C8orf34: variants seen among roughly 807,000 people sequenced by gnomAD.
C8orf34 encodes the protein uncharacterized protein C8orf34.
In C8orf34, 65 loss-of-function variants were observed where a neutral mutation model predicts 68.3. That is an observed-to-expected ratio of 0.95 (90% confidence interval 0.78 to 1.17). C8orf34 has a LOEUF of 1.17. Ranked by LOEUF, C8orf34 falls within the 50% of genes most tolerant of loss-of-function variation. The pLI is 0.00. For synonymous variants in C8orf34, 244 were observed against 241.2 expected, an observed-to-expected ratio of 1.01 and a Z score of -0.11; for missense variants, 664 against 655.4, an observed-to-expected ratio of 1.01 and a Z score of -0.14.
At chr8:68,395,291 T>G (rs556598209) in intron 1 of C8orf34, among the ~76,000 whole-genome samples, 7 of 151,844 alleles carry the variant, frequency 4.6e-5, no homozygotes, top group African/African-American at 1.4e-4. Flanking sequence ...CAAAATATAT[T>G]ATGTTTGTTT....
intron 7 of C8orf34, among the ~76,000 whole-genome samples, chr8:68,575,477 T>C (rs1816875600): frequency 6.6e-6 from 1 of 152,146 alleles, no homozygotes; most frequent in African/African-American, 2.4e-5. Context: ...TTCAAACCCG[T>C]ATGTGCTACA....
chr8:68,459,849 C>T (rs1811718871), intron 3 of C8orf34, among the ~76,000 whole-genome samples: 1 of 152,098 alleles, frequency 6.6e-6, no homozygotes, highest in Admixed American at 6.5e-5. Flanking sequence ...TCTACAGCTC[C>T]CAGTGTGAGT....
intron 7 of C8orf34, chr8:68,535,313 T>C (rs6984964): frequency 2.0e-6 from 2 of 980,276 alleles, no homozygotes; most frequent in South Asian, 9.4e-5. Context: ...TTTGTAGATG[T>C]GTGTGCTATA....
At chr8:68,622,259 C>A (rs1818408507) in intron 7 of C8orf34, among the ~76,000 whole-genome samples, 1 of 152,154 alleles carries the variant, frequency 6.6e-6, no homozygotes, top group African/African-American at 2.4e-5. Context: ...AACTGAATCA[C>A]AGAAGTGAAG....
In C8orf34 at chr8:68,443,935, A is replaced by T. The variant is rs188504684; in HGVS notation, c.476-2394A>T. 6.7e-5 allele frequency among the ~76,000 whole-genome samples: 10 copies of T among 149,506 alleles called. No individual in the cohort carries two copies. In the East Asian group the frequency reaches 1.7e-3, roughly 26 times the overall value. Reference sequence around the variant, plus strand: ...AATAAAAGACAAATTATTTTTCTTGAATACTTATGAATTTTTTTTTACTTC... The same window carrying T: ...AATAAAAGACAAATTATTTTTCTTGTATACTTATGAATTTTTTTTTACTTC... On this transcript the variant is annotated intron_variant, in intron 2 of 13. Coordinates refer to ENST00000518698, the MANE Select transcript of C8orf34 (RefSeq NM_052958.4).
At chr8:68,811,122 C>A (rs1824638144) in intron 12 of C8orf34, among the ~76,000 whole-genome samples, 1 of 152,200 alleles carries the variant, frequency 6.6e-6, no homozygotes, top group Admixed American at 6.5e-5. Context: ...TCTGAGCTGC[C>A]CTCAGCACCC....
chr8:68,489,449 A>G (rs906184009), intron 5 of C8orf34, among the ~76,000 whole-genome samples: 1 of 152,218 alleles, frequency 6.6e-6, no homozygotes, highest in African/African-American at 2.4e-5. Flanking sequence ...GAACACTCAT[A>G]TATACACAAA....
At chr8:68,355,136 T>A (rs1806692676) in intron 1 of C8orf34, among the ~76,000 whole-genome samples, 1 of 152,180 alleles carries the variant, frequency 6.6e-6, no homozygotes, top group Non-Finnish European at 1.5e-5. Context: ...CAATTAGCTT[T>A]CAGCCGTCTT....
chr8:68,604,437 A>G (rs1817792658), intron 7 of C8orf34, among the ~76,000 whole-genome samples: 1 of 135,880 alleles, frequency 7.4e-6, no homozygotes, highest in Non-Finnish European at 1.5e-5. Context: ...TTCTGTAAGA[A>G]AACAAGTAAA....
intron 8 of C8orf34, among the ~76,000 whole-genome samples, chr8:68,673,498 C>A (rs935600334): frequency 6.6e-6 from 1 of 152,108 alleles, no homozygotes; most frequent in Non-Finnish European, 1.5e-5. Context: ...AGTAGCCAGG[C>A]AGTATTTGCT....
intron 1 of C8orf34, among the ~76,000 whole-genome samples, chr8:68,367,838 A>G (rs1427960143): frequency 7.5e-6 from 1 of 133,732 alleles, no homozygotes; most frequent in African/African-American, 2.7e-5. Context: ...AGCATGGCAC[A>G]TGTATACATA....
chr8:68,586,172 G>A (rs1029750180), intron 7 of C8orf34, among the ~76,000 whole-genome samples: 3 of 152,110 alleles, frequency 2.0e-5, no homozygotes, highest in Non-Finnish European at 4.4e-5. Flanking sequence ...CTACATTAGA[G>A]GGGGAGAAAA....
chr8:68,478,673 C>G (rs1304050365), intron 4 of C8orf34, among the ~76,000 whole-genome samples: 1 of 152,122 alleles, frequency 6.6e-6, no homozygotes, highest in African/African-American at 2.4e-5. Flanking sequence ...AGGAAACTTA[C>G]AATTATGGCA....
chr8:68,618,652 A>G (rs542166180), intron 7 of C8orf34, among the ~76,000 whole-genome samples: 1 of 152,226 alleles, frequency 6.6e-6, no homozygotes, highest in South Asian at 2.1e-4. Flanking sequence ...ATAAGCATGC[A>G]CCACTCTACC....
intron 7 of C8orf34, chr8:68,534,999 A>G: frequency 3.0e-6 from 3 of 985,392 alleles, no homozygotes; most frequent in Non-Finnish European, 3.6e-6. Context: ...TCTTCATGTA[A>G]TTCCACATAT....
At position 68,677,659 on chromosome 8, in the gene C8orf34, A is replaced by G. The variant is rs186280591; in HGVS notation, c.1242-31335A>G. 2.0e-3 allele frequency among the ~76,000 whole-genome samples: 311 copies of G among 152,210 alleles called. 2 individuals carry two copies. The highest frequency in any genetic ancestry group is 3.2e-3 in the Non-Finnish European group (217 of 67,998). ...GCATGAGCCACCATGCCTGGCCCTA[A>G]CAATGCATCTTAAAGAACTAGAAAG... On this transcript the variant is annotated intron_variant, in intron 8 of 13. Coordinates refer to ENST00000518698, the MANE Select transcript of C8orf34 (RefSeq NM_052958.4).
intron 7 of C8orf34, among the ~76,000 whole-genome samples, chr8:68,548,535 G>A (rs1355951871): frequency 1.3e-5 from 2 of 151,734 alleles, no homozygotes; most frequent in African/African-American, 2.4e-5. Context: ...AACACTAAAT[G>A]TTGCTAAGTA....
chr8:68,368,472 A>G (rs1164824043), intron 1 of C8orf34, among the ~76,000 whole-genome samples: 1 of 151,970 alleles, frequency 6.6e-6, no homozygotes, highest in East Asian at 1.9e-4. Context: ...GATTTTATTT[A>G]TTTATGTTCC....
chr8:68,481,068 A>G (rs968904324), intron 4 of C8orf34, among the ~76,000 whole-genome samples: 5 of 152,196 alleles, frequency 3.3e-5, no homozygotes, highest in Non-Finnish European at 5.9e-5. Context: ...CTAGAGGCCC[A>G]GGAGGAAAAT....
Sources: allele counts gnomAD v4.1 joint callset (sites outside exome capture counted in the v4.1 genomes callset), GRCh38; gene constraint gnomAD v4.1.1; transcripts MANE v1.5; gene names NCBI Gene and HGNC (gene_info 2026-07-23, HGNC 2026-07-21).